The following ACVRL1 variants were observed in gnomAD, a reference collection of about 807,000 sequenced individuals.
ACVRL1 encodes the protein activin receptor type-1-like.
Under a neutral mutation model 51.9 loss-of-function variants are expected in ACVRL1, and 20 were observed. The observed-to-expected ratio is 0.39, with a 90% CI of 0.27 to 0.56. ACVRL1 has a LOEUF of 0.56. ACVRL1 is among the 20% of genes least tolerant of loss of function. The pLI is 0.67. For missense variants in ACVRL1, 451 were observed against 670.3 expected (o/e 0.67, Z 3.61); for synonymous variants, 288 against 280.9 (o/e 1.03, Z -0.25).
chr12:51,922,089 T>C lies in ACVRL1; in HGVS notation c.*1196T>C, dbSNP rs1469544475. On this transcript the variant is annotated 3_prime_UTR_variant, in exon 10 of 10. Coordinates refer to ENST00000388922, the MANE Select transcript of ACVRL1 (RefSeq NM_000020.3). ...ATTTGGTCCTGATGTCCTTTGAGGC[T>C]TCTTTAGCTCTAGTTCTCTGACACT... The C allele has an allele frequency of 1.3e-5, 2 of 152,234 alleles. No individual in the cohort carries two copies. The highest frequency in any genetic ancestry group is 6.5e-5 in the Admixed American group (1 of 15,278). The allele number at this position is 152,234 out of a possible 1,614,324, so 9.4% of individuals were successfully genotyped here. A position where few individuals can be genotyped will look rare whatever the true frequency, so the allele number is the denominator to read the frequency against.
At chr12:51,911,490 T>C (rs1940687810) in intron 1 of ACVRL1, among the ~76,000 whole-genome samples, 1 of 152,180 alleles carries the variant, frequency 6.6e-6, no homozygotes, top group Admixed American at 6.5e-5. Flanking sequence ...GAGGGCAGCT[T>C]ATACTCTGGT....
At position 51,913,714 on chromosome 12, in the gene ACVRL1, C is replaced by G; in HGVS notation, c.469C>G (p.Leu157Val). The change falls in exon 4 of 10, where the codon CTG becomes GTG. Residue 157 changes from leucine to valine, a missense_variant. By Grantham distance (32) the Leu-to-Val change is conservative (BLOSUM62 1). Transcript: ENST00000388922. The part of the protein sequence containing the change: ...QEKQRGLHSE[L>V]GESSLILKAS... ...GAAGCAGCGTGGCCTGCACAGCGAGCTGGGAGAGTCCAGTCTCATCCTGAA... is the reference window on the plus strand; with the variant it reads ...GAAGCAGCGTGGCCTGCACAGCGAGGTGGGAGAGTCCAGTCTCATCCTGAA... The G allele has an allele frequency of 6.2e-7, 1 of 1,612,084 alleles. No individual in the cohort carries two copies. The highest frequency in any genetic ancestry group is 8.5e-7 in the Non-Finnish European group (1 of 1,180,018).
rs1035085641 is a variant in ACVRL1, at chr12:51,921,097, C to T, written c.*204C>T. On this transcript the variant is annotated 3_prime_UTR_variant, in exon 10 of 10. Coordinates refer to ENST00000388922, the MANE Select transcript of ACVRL1 (RefSeq NM_000020.3). ...CCCCTGCTGTCTGGCCTGCTCAAAG[C>T]GGCAGGCTCCCTGACGCCTGGCTCT... 9 of 633,992 alleles carry T rather than the reference C, an allele frequency of 1.4e-5. No homozygotes were observed. Among genetic ancestry groups the T allele is most frequent in the Admixed American group, 5.2e-5 (2 of 38,194 alleles). 39.3% of individuals were successfully genotyped at this position (633,992 alleles called of 1,614,324 possible).
chr12:51,920,387 G>C (rs1940945029), intron 9 of ACVRL1, among the ~76,000 whole-genome samples: 1 of 152,200 alleles, frequency 6.6e-6, no homozygotes, highest in Admixed American at 6.5e-5. Flanking sequence ...TGGGGGTAAG[G>C]TGTTTCACAG....
Position 51,915,236 on chromosome 12 carries a change from T to A in ACVRL1, c.784T>A (p.Ser262Thr). Residue 262 changes from serine to threonine, a missense_variant, in exon 7 of 10, where the codon TCA (serine) becomes ACA (threonine). Physicochemically the swap from Ser to Thr is moderately conservative, Grantham distance 58. Around this residue, in one of 2 missense-constraint regions of ACVRL1, gnomAD observed 259 missense variants for 453.4 expected, o/e 0.57. Transcript: ENST00000388922. ...RHDNILGFIA[S>T]DMTSRNSSTQ... ...CTTTCTGCACACAGGCTTCATCGCCTCAGACATGACCTCCCGCAACTCGAG... is the reference window on the plus strand; with the variant it reads ...CTTTCTGCACACAGGCTTCATCGCCACAGACATGACCTCCCGCAACTCGAG... The A allele has an allele frequency of 6.2e-7, 1 of 1,613,898 alleles. No individual in the cohort carries two copies. The highest frequency in any genetic ancestry group is 8.5e-7 in the Non-Finnish European group (1 of 1,179,982).
chr12:51,913,996 C>T lies in ACVRL1; in HGVS notation c.548C>T (p.Thr183Ile), dbSNP rs146367891. The change falls in exon 5 of 10, where the codon ACC becomes ATC. Residue 183 changes from threonine to isoleucine, a missense_variant. Physicochemically the swap from Thr to Ile is moderately conservative, Grantham distance 89 (BLOSUM62 -1). Around this residue, in one of 2 missense-constraint regions of ACVRL1, gnomAD observed 259 missense variants for 453.4 expected, o/e 0.57. Coordinates refer to ENST00000388922, the MANE Select transcript of ACVRL1 (RefSeq NM_000020.3). ...CAGGACCTCCTGGACAGTGACTGCA[C>T]CACAGGGAGTGGCTCAGGGCTCCCC... ...MLGDLLDSDC[T>I]TGSGSGLPFL... 6.2e-7 allele frequency: 1 copy of T among 1,613,742 alleles called. No individual in the cohort carries two copies. The highest frequency in any genetic ancestry group is 8.5e-7 in the Non-Finnish European group (1 of 1,179,826).
chr12:51,910,238 TCTGTAGTAGATGGGGAGTATC>T (rs1940662533), intron 1 of ACVRL1, among the ~76,000 whole-genome samples: 1 of 152,172 alleles, frequency 6.6e-6, no homozygotes, highest in Non-Finnish European at 1.5e-5. Context: ...GGCTGTCCCT[TCTGTAGTAGATGGGGAGTATC>T]CTGGGTGGGA....
At position 51,913,666 on chromosome 12, in the gene ACVRL1, T is replaced by C. The variant is rs748356495; in HGVS notation, c.421T>C (p.Trp141Arg). Residue 141 changes from tryptophan (W) to arginine (R), a missense_variant, in exon 4 of 10, where the codon TGG becomes CGG. Physicochemically the swap from Trp to Arg is moderately radical, Grantham distance 101 (BLOSUM62 -3). Transcript: ENST00000388922. ...ALVALGVLGL[W>R]HVRRRQEKQR... ...GGTGGCCCTGGGTGTCCTGGGCCTG[T>C]GGCATGTCCGACGGAGGCAGGAGAA... The C allele has an allele frequency of 3.1e-6, 5 of 1,609,608 alleles. No individual in the cohort carries two copies. The South Asian group carries it at 5.5e-5, about 18-fold the overall frequency.
At position 51,921,260 on chromosome 12, in the gene ACVRL1, C is replaced by A; in HGVS notation, c.*367C>A. 2.9e-6 allele frequency: 1 copy of A among 350,430 alleles called. No individual in the cohort carries two copies. Among genetic ancestry groups the A allele is most frequent in the Non-Finnish European group, 5.6e-6 (1 of 178,950 alleles). 21.7% of individuals were successfully genotyped at this position (350,430 alleles called of 1,614,324 possible). A position where few individuals can be genotyped will look rare whatever the true frequency, so the allele number is the denominator to read the frequency against. The stretch of plus-strand genomic sequence containing the variant: ...GCCCGGGCCTGCACTTTGCCCCCTG[C>A]CCTTGATCAACCCCACTGCCCCACC... On this transcript the variant is annotated 3_prime_UTR_variant, in exon 10 of 10. Transcript: ENST00000388922.
chr12:51,915,981 C>A (rs1189603415), intron 7 of ACVRL1, 55 bp from the exon 8 acceptor site: 1 of 1,578,064 alleles, frequency 6.3e-7, no homozygotes, highest in Non-Finnish European at 8.6e-7. Context: ...CCTTGCCTGC[C>A]CCCTGGATCC....
intron 9 of ACVRL1, among the ~76,000 whole-genome samples, chr12:51,920,531 T>TTC (rs1211816863): frequency 6.6e-6 from 1 of 152,022 alleles, no homozygotes; most frequent in African/African-American, 2.4e-5. Flanking sequence ...TCATCCTCTG[T>TTC]TCTCTCTCTC....
intron 9 of ACVRL1, 92 bp from the exon 10 acceptor site, chr12:51,920,663 GACCC>G: frequency 3.5e-6 from 5 of 1,416,608 alleles, no homozygotes; most frequent in Middle Eastern, 2.4e-4. Flanking sequence ...CATCTTCTCT[GACCC>G]ACCTCCCTCT....
upstream of ACVRL1, chr12:51,906,977 C>G (rs1015701862): frequency 4.6e-5 from 7 of 152,224 alleles, no homozygotes; most frequent in Non-Finnish European, 1.0e-4. Context: ...ACCGAGGACC[C>G]CCGGGCTGAG....
At chr12:51,913,422 A>G (rs1940744430) in intron 3 of ACVRL1, 72 bp downstream of exon 3, 2 of 1,336,356 alleles carry the variant, frequency 1.5e-6, no homozygotes, top group Non-Finnish European at 1.0e-6. Flanking sequence ...CTTTCCTCTC[A>G]TGCTCTGGCC....
chr12:51,913,856 C>G (rs750560273), intron 4 of ACVRL1, 86 bp downstream of exon 4: 10 of 1,575,490 alleles, frequency 6.3e-6, no homozygotes, highest in Non-Finnish European at 8.6e-6. Flanking sequence ...AGATTAGAGC[C>G]GGTGGGGAGC....
intron 1 of ACVRL1, among the ~76,000 whole-genome samples, chr12:51,908,801 C>G (rs1217337964): frequency 6.6e-6 from 1 of 152,186 alleles, no homozygotes. Context: ...AGTAACGTCT[C>G]AAATTTCATA....
chr12:51,913,064 G>A (rs1369991623), intron 2 of ACVRL1, 35 bp from the exon 3 acceptor site: 1 of 1,592,470 alleles, frequency 6.3e-7, no homozygotes, highest in Non-Finnish European at 8.5e-7. Context: ...GGGGAGCTGG[G>A]ACCACAGTGG....
At position 51,912,724 on chromosome 12, in the gene ACVRL1, T is replaced by C. The variant is rs143979252; in HGVS notation, c.61+189T>C. Among the ~76,000 whole-genome samples the C allele has an allele frequency of 1.3e-3, 192 of 152,198 alleles. 1 individual carries two copies. Among genetic ancestry groups the C allele is most frequent in the African/African-American group, 4.4e-3 (183 of 41,536 alleles). ...CTACCCCAGCCCTCCTTTGCTCTCC[T>C]CTTGATCCAGACCTGCAGGCTGGAG... On this transcript the variant is annotated intron_variant, in intron 2 of 9. Coordinates refer to ENST00000388922, the MANE Select transcript of ACVRL1 (RefSeq NM_000020.3).
rs1229526314 is a variant in ACVRL1, at chr12:51,918,868, C to T, written c.1247-117C>T. On this transcript the variant is annotated intron_variant, in intron 8 of 9. Transcript: ENST00000388922. ...ATTATACTGTCCCTCTCAGGGGTAGCGTGTCCAGGCCACTGGTTTCTGGCC... is the reference window on the plus strand; with the variant it reads ...ATTATACTGTCCCTCTCAGGGGTAGTGTGTCCAGGCCACTGGTTTCTGGCC... The T allele has an allele frequency of 2.0e-5, 28 of 1,432,446 alleles. No homozygotes were observed. The Admixed American group carries it at 2.0e-4, about 10-fold the overall frequency. 88.7% of individuals were successfully genotyped at this position (1,432,446 alleles called of 1,614,324 possible). A position where few individuals can be genotyped will look rare whatever the true frequency, so the allele number is the denominator to read the frequency against.
Sources: allele counts gnomAD v4.1 joint callset (sites outside exome capture counted in the v4.1 genomes callset), GRCh38; gene constraint gnomAD v4.1.1; regional missense constraint gnomAD v4.1.1; transcripts MANE v1.5; gene names NCBI Gene and HGNC (gene_info 2026-07-23, HGNC 2026-07-21).